JPH3: variants seen among roughly 807,000 people sequenced by gnomAD.
JPH3 encodes the protein junctophilin 3, also known as junctophilin-3.
In JPH3, 11 loss-of-function variants were observed where a neutral mutation model predicts 59.6. The observed-to-expected ratio is 0.18, with a 90% CI of 0.12 to 0.31. The LOEUF is 0.31. JPH3 is among the 10% of genes least tolerant of loss of function. The probability of loss-of-function intolerance (pLI) is 1.00; values close to 1 mark genes in which losing one functional copy is unlikely to be tolerated. For synonymous variants in JPH3, 673 were observed against 483.6 expected (o/e 1.39, Z -5.14); for missense variants, 1,202 against 1,105.7 (o/e 1.09, Z -1.24).
intron 3 of JPH3, among the ~76,000 whole-genome samples, chr16:87,689,239 A>G (rs1445746889): frequency 6.6e-6 from 1 of 152,154 alleles, no homozygotes; most frequent in Non-Finnish European, 1.5e-5. Context: ...TTGCTGTGAC[A>G]GCTCGGCCTC....
At chr16:87,631,573 T>C (rs1389792995) in intron 1 of JPH3, among the ~76,000 whole-genome samples, 2 of 152,218 alleles carry the variant, frequency 1.3e-5, no homozygotes, top group Non-Finnish European at 2.9e-5. Flanking sequence ...CTTGGTTGGG[T>C]GTCTCTCCCC....
chr16:87,668,155 C>T (rs1192580063), intron 2 of JPH3, among the ~76,000 whole-genome samples: 2 of 152,250 alleles, frequency 1.3e-5, no homozygotes, highest in African/African-American at 2.4e-5. Context: ...GTTCCTCCTT[C>T]CTCTCCCTGC....
chr16:87,629,988 A>G (rs2031512669), intron 1 of JPH3, among the ~76,000 whole-genome samples: 1 of 152,212 alleles, frequency 6.6e-6, no homozygotes, highest in Admixed American at 6.5e-5. Context: ...GTATTTTTTA[A>G]AAAGAAAAAG....
At chr16:87,607,919 G>C (rs1161799512) in intron 1 of JPH3, among the ~76,000 whole-genome samples, 1 of 152,224 alleles carries the variant, frequency 6.6e-6, no homozygotes, top group South Asian at 2.1e-4. Context: ...GTGGTGAAAG[G>C]CTCCGTAAGG....
chr16:87,666,876 T>C (rs2032880696), intron 2 of JPH3, among the ~76,000 whole-genome samples: 1 of 152,194 alleles, frequency 6.6e-6, no homozygotes, highest in African/African-American at 2.4e-5. Flanking sequence ...CGTCACCGAG[T>C]GGGAGCTTGG....
intron 1 of JPH3, among the ~76,000 whole-genome samples, chr16:87,615,081 C>T (rs1294752718): frequency 2.6e-5 from 4 of 151,980 alleles, no homozygotes; most frequent in South Asian, 2.1e-4. Flanking sequence ...AGGAGCTGTG[C>T]GTCCCTTCCC....
rs114258255 is a variant in JPH3 at position 87,605,604 on chromosome 16, A to G, written c.382+2076A>G. On this transcript the variant is annotated intron_variant, in intron 1 of 4. Transcript: ENST00000284262. The stretch of plus-strand genomic sequence containing the variant: ...GTTAAGGGGAGAGATGTTTTTCTCT[A>G]TAGGTCCACTTCCCTGGGCTCTCCA... Among the ~76,000 whole-genome samples, 661 of 152,292 alleles carry G rather than the reference A, an allele frequency of 4.3e-3. 1 individual carries two copies. Among genetic ancestry groups the G allele is most frequent in the African/African-American group, 0.015 (633 of 41,568 alleles).
At chr16:87,640,061 G>C (rs1445053168) in intron 1 of JPH3, among the ~76,000 whole-genome samples, 1 of 152,190 alleles carries the variant, frequency 6.6e-6, no homozygotes, top group African/African-American at 2.4e-5. Context: ...TCCAGCTGAG[G>C]GGGGGCCCAA....
chr16:87,604,657 G>A (rs937535514), intron 1 of JPH3: 6 of 1,160,412 alleles, frequency 5.2e-6, no homozygotes, highest in Admixed American at 3.8e-5. Context: ...CCGCCCGCTC[G>A]CTGCCTCCGA....
At chr16:87,672,672 G>C (rs1226044016) in intron 2 of JPH3, among the ~76,000 whole-genome samples, 4 of 152,264 alleles carry the variant, frequency 2.6e-5, no homozygotes, top group African/African-American at 7.2e-5. Flanking sequence ...AGCAGGCGTA[G>C]ACCACCAGAG....
chr16:87,647,028 G>C (rs116159953), intron 2 of JPH3, among the ~76,000 whole-genome samples: 1,960 of 152,322 alleles, frequency 0.013, 45 homozygotes, highest in African/African-American at 0.045. Context: ...TCCAAGGCAG[G>C]TTGTCAGCCT....
chr16:87,640,727 C>A (rs1340769812), intron 1 of JPH3, among the ~76,000 whole-genome samples: 1 of 152,204 alleles, frequency 6.6e-6, no homozygotes, highest in African/African-American at 2.4e-5. Context: ...ATGTCCCATG[C>A]AGCGTGTCCC....
Position 87,644,781 on chromosome 16 carries a change from G to C in JPH3, c.906G>C (p.Val302=), listed in dbSNP as rs548027626. The C allele has an allele frequency of 8.7e-6, 14 of 1,613,238 alleles. 1 individual carries two copies. The African/African-American group carries it at 1.3e-4, about 15-fold the overall frequency. Residue 302 remains valine (V), a synonymous_variant, in exon 2 of 5, where the codon GTG becomes GTC. Transcript: ENST00000284262. ...WKNDKRSGFG[V]SQRSDGLKYE... is the part of the protein sequence containing the mutation. Reference sequence around the variant, plus strand: ...ACGACAAACGCTCCGGCTTCGGCGTGAGCCAGCGCTCGGACGGGCTCAAGT... The same window carrying C: ...ACGACAAACGCTCCGGCTTCGGCGTCAGCCAGCGCTCGGACGGGCTCAAGT...
At chr16:87,692,876 C>T (rs560185790) in intron 4 of JPH3, among the ~76,000 whole-genome samples, 50 of 152,346 alleles carry the variant, frequency 3.3e-4, no homozygotes, top group Non-Finnish European at 2.4e-4. Flanking sequence ...ACGGGCTGGA[C>T]TGTGGCAGAA....
At chr16:87,619,433 G>T (rs1158717675) in intron 1 of JPH3, among the ~76,000 whole-genome samples, 2 of 152,190 alleles carry the variant, frequency 1.3e-5, no homozygotes, top group Non-Finnish European at 2.9e-5. Flanking sequence ...CCTGGCTGCA[G>T]GCTGCCTGCT....
At position 87,611,985 on chromosome 16, in the gene JPH3, T is replaced by C. The variant is rs1257746988; in HGVS notation, c.382+8457T>C. Among the ~76,000 whole-genome samples the C allele has an allele frequency of 1.3e-5, 2 of 152,178 alleles. No individual in the cohort carries two copies. The highest frequency in any genetic ancestry group is 2.9e-5 in the Non-Finnish European group (2 of 68,022). ...GCTCAGGTGGCTGCAGTGCAGGAGA[T>C]CCTGCTTTGGTGCACTCACTTTAAC... On this transcript the variant is annotated intron_variant, in intron 1 of 4. Transcript: ENST00000284262. This position sits in a 1 kb window ranked among gnomAD's most constrained non-coding sequence, Gnocchi z 4.5.
chr16:87,651,658 T>C (rs962498520), intron 2 of JPH3, among the ~76,000 whole-genome samples: 2 of 152,272 alleles, frequency 1.3e-5, no homozygotes, highest in Non-Finnish European at 2.9e-5. Flanking sequence ...AGCCTGCCGA[T>C]GGGACTGCAT....
chr16:87,681,883 C>G (rs985088831), intron 2 of JPH3, among the ~76,000 whole-genome samples: 1 of 152,152 alleles, frequency 6.6e-6, no homozygotes, highest in African/African-American at 2.4e-5. Context: ...GGCTGAGCCT[C>G]GGATTCTCTG....
chr16:87,657,138 G>A (rs1376116995), intron 2 of JPH3, among the ~76,000 whole-genome samples: 1 of 152,188 alleles, frequency 6.6e-6, no homozygotes, highest in Non-Finnish European at 1.5e-5. Flanking sequence ...GAGGAGGCCA[G>A]GCCAGCGCTG....
Sources: gnomAD v4.1 joint callset for allele counts (sites outside exome capture counted in the v4.1 genomes callset) on GRCh38, gnomAD v4.1.1 for gene constraint, Gnocchi (gnomAD v3.1) non-coding constraint, MANE v1.5 for transcripts, NCBI Gene and HGNC (gene_info 2026-07-23, HGNC 2026-07-21) for gene names.